STK33: variants seen among roughly 807,000 people sequenced by gnomAD.
STK33 encodes serine/threonine-protein kinase 33.
In STK33, 52 loss-of-function variants were observed where a neutral mutation model predicts 58.0. The ratio of observed to expected loss-of-function variants is 0.90; its 90% CI spans 0.72 to 1.13. The LOEUF (loss-of-function observed/expected upper bound fraction) is 1.13, where lower values mean the gene tolerates loss of function less well. Ranked by LOEUF, STK33 falls within the 50% of genes most tolerant of loss-of-function variation. The pLI is 0.00. For synonymous variants in STK33, 215 were observed against 200.1 expected (o/e 1.07, Z -0.63); for missense variants, 630 against 604.2 (o/e 1.04, Z -0.45).
intron 1 of STK33, among the ~76,000 whole-genome samples, chr11:8,549,613 T>C (rs1956170536): frequency 6.6e-6 from 1 of 152,160 alleles, no homozygotes. Flanking sequence ...AGACATTGGG[T>C]CCTGAGCTTT....
At chr11:8,538,936 G>A (rs1045288024) in intron 1 of STK33, among the ~76,000 whole-genome samples, 3 of 152,120 alleles carry the variant, frequency 2.0e-5, no homozygotes, top group Admixed American at 6.5e-5. Flanking sequence ...CTGCTATCTG[G>A]CCAATTAACC....
At chr11:8,537,760 A>G (rs1172443956) in intron 1 of STK33, among the ~76,000 whole-genome samples, 1 of 150,858 alleles carries the variant, frequency 6.6e-6, no homozygotes, top group Non-Finnish European at 1.5e-5. Flanking sequence ...CAGTGGGCCG[A>G]GATCATGCCA....
At chr11:8,416,443 A>G (rs909084101) in intron 14 of STK33, among the ~76,000 whole-genome samples, 2 of 152,162 alleles carry the variant, frequency 1.3e-5, no homozygotes, top group South Asian at 4.1e-4. Flanking sequence ...ATTTCCCTAC[A>G]TATTTATAAC....
chr11:8,347,234 A>C, the STK33 span, among the ~76,000 whole-genome samples: 204 of 152,310 alleles, frequency 1.3e-3, 1 homozygote, highest in African/African-American at 4.7e-3. Flanking sequence ...ATGGTGGCAA[A>C]GGGAAGGACA....
chr11:8,380,646 G>A, the STK33 span, among the ~76,000 whole-genome samples: 1 of 151,966 alleles, frequency 6.6e-6, no homozygotes, highest in Non-Finnish European at 1.5e-5. Flanking sequence ...CTGCTGGTTG[G>A]AATGTAAATT....
intron 7 of STK33, among the ~76,000 whole-genome samples, chr11:8,463,179 C>T (rs1947778791): frequency 6.6e-6 from 1 of 152,114 alleles, no homozygotes; most frequent in Admixed American, 6.5e-5. Flanking sequence ...AGCAGCAGTC[C>T]CCGACCTTTT....
chr11:8,353,386 C>G, the STK33 span, among the ~76,000 whole-genome samples: 1 of 152,298 alleles, frequency 6.6e-6, no homozygotes, highest in South Asian at 2.1e-4. Flanking sequence ...TCTAGTCACC[C>G]GGTTTTGTCT....
At chr11:8,474,188 A>T (rs551080089) in intron 5 of STK33, among the ~76,000 whole-genome samples, 9 of 152,196 alleles carry the variant, frequency 5.9e-5, no homozygotes, top group African/African-American at 2.2e-4. Context: ...AAAAAAAAAA[A>T]TGATGAATAC....
rs3751095 is a variant in STK33, at chr11:8,413,530, C to T, written c.1309G>A (p.Ala437Thr). The T allele has an allele frequency of 0.24, 388,184 of 1,612,844 alleles. 48,622 individuals carry two copies. Among genetic ancestry groups the T allele is most frequent in the South Asian group, 0.35 (31,894 of 91,038 alleles). The change falls in exon 15 of 16, where the codon GCC becomes ACC. Residue 437 changes from alanine (A) to threonine (T), a missense_variant. Coordinates refer to ENST00000687296, the MANE Select transcript of STK33 (RefSeq NM_001352389.2). ...TCCTCTTCATCTGAAGTGTAATTGGCATCAGGGACATTTCCCCAGGGTTGG... is the reference window on the plus strand; with the variant it reads ...TCCTCTTCATCTGAAGTGTAATTGGTATCAGGGACATTTCCCCAGGGTTGG... ...SYQPWGNVPD[A>T]NYTSDEEEEK...
At chr11:8,390,375 G>A (rs1178775774), downstream of STK33, among the ~76,000 whole-genome samples, 2 of 152,192 alleles carry the variant, frequency 1.3e-5, no homozygotes, top group South Asian at 2.1e-4. Context: ...TGGTGCCTTC[G>A]AGTTGGCCTA....
intron 1 of STK33, among the ~76,000 whole-genome samples, chr11:8,543,449 T>C (rs1312753899): frequency 1.3e-5 from 2 of 152,178 alleles, no homozygotes; most frequent in African/African-American, 4.8e-5. Context: ...TGTAACAACA[T>C]GGATGGAACT....
intron 1 of STK33, among the ~76,000 whole-genome samples, chr11:8,553,357 C>A (rs1050885445): frequency 6.6e-6 from 1 of 150,794 alleles, no homozygotes; most frequent in Non-Finnish European, 1.5e-5. Context: ...CACTTTTATA[C>A]AACTGGAAGT....
At chr11:8,527,421 A>C (rs1321487284) in intron 1 of STK33, among the ~76,000 whole-genome samples, 1 of 151,172 alleles carries the variant, frequency 6.6e-6, no homozygotes, top group East Asian at 1.9e-4. Context: ...CAACCTGTAC[A>C]TTTTTGCTTT....
chr11:8,342,828 G>C, the STK33 span, among the ~76,000 whole-genome samples: 1 of 152,146 alleles, frequency 6.6e-6, no homozygotes, highest in Non-Finnish European at 1.5e-5. Context: ...TTATTATTAA[G>C]ACCTGGCTTT....
chr11:8,350,889 T>A, the STK33 span, among the ~76,000 whole-genome samples: 1 of 151,600 alleles, frequency 6.6e-6, no homozygotes, highest in Non-Finnish European at 1.5e-5. Context: ...TTCCGCAGAG[T>A]CACCAGCCCC....
intron 8 of STK33, among the ~76,000 whole-genome samples, chr11:8,460,497 G>C (rs80011221): frequency 0.015 from 2,270 of 152,016 alleles, 51 homozygotes; most frequent in African/African-American, 0.051. Flanking sequence ...TATACAAAAT[G>C]AAACAAGGAG....
chr11:8,401,941 G>T (rs1938077297), intron 15 of STK33, among the ~76,000 whole-genome samples: 1 of 152,010 alleles, frequency 6.6e-6, no homozygotes, highest in Non-Finnish European at 1.5e-5. Flanking sequence ...AGTTAGAATG[G>T]CGATCATTAA....
At chr11:8,441,089 GAATTA>G (rs2136417541) in intron 11 of STK33, among the ~76,000 whole-genome samples, 1 of 152,238 alleles carries the variant, frequency 6.6e-6, no homozygotes, top group East Asian at 1.9e-4. Context: ...CCACAAAATA[GAATTA>G]AATATATGCC....
intron 1 of STK33, among the ~76,000 whole-genome samples, chr11:8,483,344 GTCTC>G (rs1257766163): frequency 6.6e-6 from 1 of 152,122 alleles, no homozygotes. Flanking sequence ...AGAAAGTCGA[GTCTC>G]TCTCCTGGGA....
Sources: allele counts gnomAD v4.1 joint callset (sites outside exome capture counted in the v4.1 genomes callset), GRCh38; gene constraint gnomAD v4.1.1; transcripts MANE v1.5; gene names NCBI Gene and HGNC (gene_info 2026-07-23, HGNC 2026-07-21).